CCDC3: variants seen among roughly 807,000 people sequenced by gnomAD.
The protein encoded by CCDC3 is coiled-coil domain containing 3, also known as coiled-coil domain-containing protein 3.
A neutral mutation model predicts 21.4 loss-of-function variants in CCDC3; 24 were observed. The ratio of observed to expected loss-of-function variants is 1.12; its 90% CI spans 0.81 to 1.58. The LOEUF (loss-of-function observed/expected upper bound fraction) is 1.58, where lower values mean the gene tolerates loss of function less well. Ranked by LOEUF, CCDC3 falls within the 40% of genes most tolerant of loss-of-function variation. CCDC3 has a pLI of 0.00. For synonymous variants in CCDC3, 186 were observed against 166.0 expected (o/e 1.12, Z -0.93); for missense variants, 425 against 360.9 (o/e 1.18, Z -1.44).
intron 4 of CCDC3, among the ~76,000 whole-genome samples, chr10:13,062,973 A>C (rs1213256235): frequency 1.4e-5 from 1 of 72,514 alleles, no homozygotes; most frequent in Non-Finnish European, 2.9e-5. Context: ...CGGCCATTTC[A>C]TCTCTGACCA....
At chr10:13,031,381 C>T (rs1836298457) in intron 5 of CCDC3, among the ~76,000 whole-genome samples, 2 of 151,984 alleles carry the variant, frequency 1.3e-5, no homozygotes, top group Admixed American at 6.6e-5. Context: ...TAAATGCCCA[C>T]AAAAGAAAGC....
chr10:12,992,365 G>T lies in CCDC3; in HGVS notation c.549+5973C>A, dbSNP rs140820975. On this transcript the variant is annotated intron_variant, in intron 2 of 2. Coordinates refer to ENST00000378825, the MANE Select transcript of CCDC3 (RefSeq NM_031455.4). Reference sequence around the variant, plus strand: ...GATTGCGCCACTGCACTCCAGCCTGGGCAGCAGACCAAGACTCCATCTCAA... The same window carrying T: ...GATTGCGCCACTGCACTCCAGCCTGTGCAGCAGACCAAGACTCCATCTCAA... 1.3e-5 allele frequency among the ~76,000 whole-genome samples: 2 copies of T among 151,938 alleles called. 1 individual carries two copies. The highest frequency in any genetic ancestry group is 3.9e-4 in the East Asian group (2 of 5,168).
intron 2 of CCDC3, among the ~76,000 whole-genome samples, chr10:12,925,836 G>A (rs1271573299): frequency 6.6e-6 from 1 of 152,246 alleles, no homozygotes; most frequent in African/African-American, 2.4e-5. Flanking sequence ...GATACCCAGG[G>A]CTGAACCCTG....
At chr10:13,018,200 G>A (rs1043826689) in intron 5 of CCDC3, among the ~76,000 whole-genome samples, 1 of 152,006 alleles carries the variant, frequency 6.6e-6, no homozygotes, top group African/African-American at 2.4e-5. Context: ...GTCAACAAAT[G>A]CCTCTTTCCC....
intron 2 of CCDC3, among the ~76,000 whole-genome samples, chr10:12,912,995 T>C (rs1019020102): frequency 1.3e-5 from 2 of 152,262 alleles, no homozygotes; most frequent in Non-Finnish European, 2.9e-5. Context: ...CATCCCGCTT[T>C]GATTACTATT....
intron 2 of CCDC3, among the ~76,000 whole-genome samples, chr10:12,963,555 T>C (rs988955700): frequency 6.6e-6 from 1 of 151,532 alleles, no homozygotes; most frequent in Non-Finnish European, 1.5e-5. Flanking sequence ...TTCCTTCCTA[T>C]TGAACTCCAG....
At chr10:13,070,649 C>G (rs1836870808) in intron 4 of CCDC3, among the ~76,000 whole-genome samples, 1 of 152,192 alleles carries the variant, frequency 6.6e-6, no homozygotes, top group African/African-American at 2.4e-5. Context: ...AGGATACAAA[C>G]CCATGACTAG....
intron 3 of CCDC3, among the ~76,000 whole-genome samples, chr10:13,081,813 A>G (rs1837042907): frequency 6.6e-6 from 1 of 152,222 alleles, no homozygotes; most frequent in African/African-American, 2.4e-5. Flanking sequence ...TCTGCACTCT[A>G]AATAAATGCA....
chr10:13,045,101 G>A (rs1263211927), intron 5 of CCDC3, among the ~76,000 whole-genome samples: 1 of 152,058 alleles, frequency 6.6e-6, no homozygotes, highest in African/African-American at 2.4e-5. Context: ...TCCATTTACT[G>A]CTTAAACTTG....
At chr10:13,022,933 T>C (rs1468004551) in intron 5 of CCDC3, among the ~76,000 whole-genome samples, 2 of 152,044 alleles carry the variant, frequency 1.3e-5, no homozygotes, top group East Asian at 1.9e-4. Flanking sequence ...AATGAAGATA[T>C]AGCACAAGTT....
chr10:12,996,725 G>A (rs1433283469), intron 2 of CCDC3, among the ~76,000 whole-genome samples: 1 of 152,192 alleles, frequency 6.6e-6, no homozygotes, highest in Admixed American at 6.5e-5. Flanking sequence ...AGGGAGCCCT[G>A]GGAGAAGCTC....
At chr10:13,054,764 T>G (rs1476014578) in intron 4 of CCDC3, among the ~76,000 whole-genome samples, 1 of 152,070 alleles carries the variant, frequency 6.6e-6, no homozygotes, top group Non-Finnish European at 1.5e-5. Flanking sequence ...GCCTCCTGGT[T>G]CAAATGATTC....
At chr10:12,984,428 G>C (rs1186077031) in intron 2 of CCDC3, among the ~76,000 whole-genome samples, 1 of 152,302 alleles carries the variant, frequency 6.6e-6, no homozygotes, top group South Asian at 2.1e-4. Context: ...AAGACGTAAA[G>C]AAATTGCAAC....
At chr10:12,904,989 C>T (rs1003748658) in intron 2 of CCDC3, among the ~76,000 whole-genome samples, 2 of 151,980 alleles carry the variant, frequency 1.3e-5, no homozygotes, top group African/African-American at 2.4e-5. Flanking sequence ...GCCAAAGAGT[C>T]ACCGAGAGGA....
chr10:13,010,273 T>A (rs1006320949), intron 5 of CCDC3, among the ~76,000 whole-genome samples: 2 of 151,236 alleles, frequency 1.3e-5, no homozygotes, highest in Non-Finnish European at 2.9e-5. Context: ...CAAAAAACAC[T>A]CAATGATGAG....
At chr10:12,993,753 C>T (rs1332887671) in intron 2 of CCDC3, among the ~76,000 whole-genome samples, 1 of 152,172 alleles carries the variant, frequency 6.6e-6, no homozygotes, top group Non-Finnish European at 1.5e-5. Context: ...TGAACACGTA[C>T]TAACACTGCT....
Position 12,905,429 on chromosome 10 carries a change from G to A in CCDC3, c.550-6750C>T, listed in dbSNP as rs144495730. On this transcript the variant is annotated intron_variant, in intron 2 of 2. Transcript: ENST00000378825. The stretch of plus-strand genomic sequence containing the variant: ...ACCTCAAGAGGGGCTCAAGGCAAAC[G>A]CAGGTGGGAATAGGATGGGTTTGGA... Among the ~76,000 whole-genome samples, 405 of 152,280 alleles carry A rather than the reference G, an allele frequency of 2.7e-3. 10 individuals carry two copies. The South Asian group carries it at 0.044, about 16-fold the overall frequency.
intron 5 of CCDC3, among the ~76,000 whole-genome samples, chr10:13,019,490 G>C (rs80085575): frequency 7.0e-6 from 1 of 143,250 alleles, no homozygotes; most frequent in Non-Finnish European, 1.6e-5. Flanking sequence ...TGATCTTTCC[G>C]TCTGTGTTCT....
At chr10:13,092,896 G>A (rs889782651) in intron 3 of CCDC3, among the ~76,000 whole-genome samples, 21 of 152,274 alleles carry the variant, frequency 1.4e-4, no homozygotes, top group Middle Eastern at 3.4e-3. Flanking sequence ...AACTCTGCCC[G>A]CAAAGCCGAA....
Sources: gnomAD v4.1 joint callset for allele counts (sites outside exome capture counted in the v4.1 genomes callset) on GRCh38, gnomAD v4.1.1 for gene constraint, MANE v1.5 for transcripts, NCBI Gene and HGNC (gene_info 2026-07-23, HGNC 2026-07-21) for gene names.